Variants in NMNAT3 observed in about 807,000 individuals in gnomAD.
NMNAT3 encodes the protein nicotinamide nucleotide adenylyltransferase 3, also known as nicotinamide/nicotinic acid mononucleotide adenylyltransferase 3.
In NMNAT3, 21 loss-of-function variants were observed where a neutral mutation model predicts 24.8. The ratio of observed to expected loss-of-function variants is 0.85; its 90% CI spans 0.60 to 1.22. The LOEUF (loss-of-function observed/expected upper bound fraction) is 1.22. Among genes scored for constraint, NMNAT3 ranks in the 50% most tolerant of loss-of-function variants. The pLI is 0.00. For missense variants in NMNAT3, 387 were observed against 436.6 expected (o/e 0.89, Z 1.01); for synonymous variants, 136 against 155.2 (o/e 0.88, Z 0.92).
At chr3:139,644,919 C>T (rs895593009) in intron 1 of NMNAT3, among the ~76,000 whole-genome samples, 9 of 152,058 alleles carry the variant, frequency 5.9e-5, no homozygotes, top group African/African-American at 9.7e-5. Context: ...GAATACAGCT[C>T]GCGGCCGGGA....
At chr3:139,581,349 T>C (rs1237334801) in intron 4 of NMNAT3, among the ~76,000 whole-genome samples, 1 of 151,348 alleles carries the variant, frequency 6.6e-6, no homozygotes, top group South Asian at 2.1e-4. Flanking sequence ...TGGTACTGTA[T>C]TTATTATACA....
At chr3:139,607,249 T>C (rs1025831420) in intron 3 of NMNAT3, among the ~76,000 whole-genome samples, 5 of 152,196 alleles carry the variant, frequency 3.3e-5, no homozygotes, top group Admixed American at 3.3e-4. Flanking sequence ...TGTATACATA[T>C]TGAAAACTGT....
chr3:139,672,181 C>T (rs1318364959), intron 1 of NMNAT3, among the ~76,000 whole-genome samples: 1 of 152,166 alleles, frequency 6.6e-6, no homozygotes, highest in Non-Finnish European at 1.5e-5. Flanking sequence ...AACCCCTACA[C>T]ACCTGCCTTT....
At chr3:139,643,326 A>G (rs2056768541) in intron 1 of NMNAT3, among the ~76,000 whole-genome samples, 1 of 152,218 alleles carries the variant, frequency 6.6e-6, no homozygotes, top group Admixed American at 6.5e-5. Context: ...AGATTAAAAT[A>G]GAATTGCCAT....
intron 3 of NMNAT3, among the ~76,000 whole-genome samples, chr3:139,592,416 C>T (rs1295953697): frequency 1.3e-5 from 2 of 152,224 alleles, no homozygotes; most frequent in Non-Finnish European, 2.9e-5. Flanking sequence ...TCCAGGAGAA[C>T]TTCCCCAATC....
intron 1 of NMNAT3, among the ~76,000 whole-genome samples, chr3:139,665,135 T>G (rs2057535778): frequency 1.3e-5 from 2 of 152,172 alleles, no homozygotes; most frequent in Admixed American, 6.5e-5. Flanking sequence ...CCTGGGAGAC[T>G]CTACAGAAAC....
intron 3 of NMNAT3, among the ~76,000 whole-genome samples, chr3:139,625,553 G>A (rs1470189985): frequency 6.6e-6 from 1 of 152,016 alleles, no homozygotes; most frequent in African/African-American, 2.4e-5. Context: ...TTTAAGTGAT[G>A]TTATACCACT....
At chr3:139,620,432 C>G (rs2055714151) in intron 3 of NMNAT3, among the ~76,000 whole-genome samples, 1 of 151,976 alleles carries the variant, frequency 6.6e-6, no homozygotes, top group African/African-American at 2.4e-5. Flanking sequence ...ATACTATATA[C>G]TCTTTTTGGT....
chr3:139,586,523 C>G (rs2053946874), intron 3 of NMNAT3, among the ~76,000 whole-genome samples: 1 of 152,140 alleles, frequency 6.6e-6, no homozygotes, highest in Non-Finnish European at 1.5e-5. Flanking sequence ...CCCAGGCTCT[C>G]CTTCCTGAGG....
intron 6 of NMNAT3, among the ~76,000 whole-genome samples, chr3:139,571,861 G>A (rs1448422178): frequency 6.6e-6 from 1 of 152,186 alleles, no homozygotes; most frequent in Non-Finnish European, 1.5e-5. Flanking sequence ...AAGTGTGCGA[G>A]GATGGTGGCC....
chr3:139,634,840 G>C (rs2056441945), intron 2 of NMNAT3, 193 bp from the exon 3 acceptor site: 1 of 152,172 alleles, frequency 6.6e-6, no homozygotes. Flanking sequence ...GTACGTCTGA[G>C]TAACTACTAC....
chr3:139,609,886 C>G (rs1559905974), intron 3 of NMNAT3: 2 of 152,216 alleles, frequency 1.3e-5, no homozygotes, highest in Non-Finnish European at 2.9e-5. Context: ...CCCAGAACTC[C>G]TGGGCTCAAG....
chr3:139,665,033 T>C (rs2057532114), intron 1 of NMNAT3, among the ~76,000 whole-genome samples: 2 of 152,202 alleles, frequency 1.3e-5, no homozygotes, highest in African/African-American at 4.8e-5. Context: ...TACTATTATG[T>C]GATGACCACT....
At chr3:139,617,373 G>A (rs1675177394) in intron 3 of NMNAT3, among the ~76,000 whole-genome samples, 2 of 152,196 alleles carry the variant, frequency 1.3e-5, no homozygotes. Context: ...GTGGTTATGT[G>A]CATGGATTCT....
In NMNAT3 at chr3:139,564,038, G is replaced by A. The variant is rs114959571; in HGVS notation, c.659-2646C>T. Among the ~76,000 whole-genome samples, 893 of 152,266 alleles carry A rather than the reference G, an allele frequency of 5.9e-3. 2 individuals carry two copies. The highest frequency in any genetic ancestry group is 0.011 in the Non-Finnish European group (735 of 68,022). On this transcript the variant is annotated intron_variant, in intron 6 of 6. Coordinates refer to ENST00000643695, the MANE Select transcript of NMNAT3 (RefSeq NM_001320510.2). The stretch of plus-strand genomic sequence containing the variant: ...AAGTTTGGTTGTCCTAAGTCTGTGA[G>A]ATCAAAGAACACCAATCTTGAGGTC...
At chr3:139,677,020 C>T (rs2057951288) in intron 1 of NMNAT3, among the ~76,000 whole-genome samples, 1 of 150,402 alleles carries the variant, frequency 6.6e-6, no homozygotes, top group Non-Finnish European at 1.5e-5. Flanking sequence ...AACTTGCTTT[C>T]CCCCCAGCTC....
At chr3:139,653,881 G>A (rs1442620132) in intron 1 of NMNAT3, among the ~76,000 whole-genome samples, 1 of 152,206 alleles carries the variant, frequency 6.6e-6, no homozygotes, top group Non-Finnish European at 1.5e-5. Flanking sequence ...AGGGACCAGA[G>A]ACATTTTCTA....
chr3:139,635,178 C>T (rs2056455118), intron 2 of NMNAT3: 2 of 152,092 alleles, frequency 1.3e-5, no homozygotes, highest in Non-Finnish European at 2.9e-5. Flanking sequence ...GGTTCTTTAC[C>T]TTGTTTGAAA....
chr3:139,645,291 C>T (rs2056834121), intron 1 of NMNAT3, among the ~76,000 whole-genome samples: 1 of 152,184 alleles, frequency 6.6e-6, no homozygotes, highest in Non-Finnish European at 1.5e-5. Context: ...TTTCCTCTCA[C>T]CTCGTGGAGA....
Sources: allele counts gnomAD v4.1 joint callset (sites outside exome capture counted in the v4.1 genomes callset), GRCh38; gene constraint gnomAD v4.1.1; transcripts MANE v1.5; gene names NCBI Gene and HGNC (gene_info 2026-07-23, HGNC 2026-07-21).